The following MYO3A variants were observed in gnomAD, a reference collection of about 807,000 sequenced individuals.
MYO3A encodes myosin-IIIa.
Under a neutral mutation model 192.7 loss-of-function variants are expected in MYO3A, and 180 were observed. The observed-to-expected ratio is 0.93, with a 90% CI of 0.83 to 1.06. The LOEUF (loss-of-function observed/expected upper bound fraction) is 1.06. MYO3A is among the 50% of genes least tolerant of loss of function. The pLI is 0.00. For missense variants in MYO3A, 1,896 were observed against 1,905.0 expected (o/e 1.00, Z 0.09); for synonymous variants, 628 against 645.3 (o/e 0.97, Z 0.41).
At chr10:26,179,089 ATT>A (rs59025321) in intron 31 of MYO3A, among the ~76,000 whole-genome samples, 235 of 66,096 alleles carry the variant, frequency 3.6e-3, no homozygotes, top group African/African-American at 0.015. Context: ...GCCCAGCCTA[ATT>A]TTTTTTTTTT....
intron 4 of MYO3A, among the ~76,000 whole-genome samples, chr10:25,969,389 G>T (rs557011981): frequency 6.6e-6 from 1 of 152,252 alleles, no homozygotes; most frequent in Non-Finnish European, 1.5e-5. Flanking sequence ...TATATATACG[G>T]TGCAGTACTA....
At position 26,088,386 on chromosome 10, in the gene MYO3A, C is replaced by T. The variant is rs200822452; in HGVS notation, c.1543C>T (p.Arg515Ter). ...TTCTGAATATCTCCTGGAAAAATCC[C>T]GAGTTATCCACCAAGCTATGTAAGT... The part of the protein sequence containing the change: ...QISEYLLEKS[R>*]VIHQAIGEKN... Residue 515 changes from arginine to a stop codon, truncating the protein, a stop_gained, in exon 15 of 35, where the codon CGA (arginine) becomes TGA (stop). Coordinates refer to ENST00000642920, the MANE Select transcript of MYO3A (RefSeq NM_017433.5). LOFTEE classifies it high-confidence loss of function. 6.2e-6 allele frequency: 10 copies of T among 1,613,674 alleles called. No individual in the cohort carries two copies. The highest frequency in any genetic ancestry group is 1.1e-5 in the South Asian group (1 of 91,070).
chr10:26,111,445 A>G (rs1433619785), intron 17 of MYO3A, among the ~76,000 whole-genome samples: 2 of 151,680 alleles, frequency 1.3e-5, no homozygotes, highest in Non-Finnish European at 2.9e-5. Context: ...CCCTAATTCT[A>G]CCCCTACCCC....
At chr10:26,086,180 G>A (rs1836295994) in intron 14 of MYO3A, among the ~76,000 whole-genome samples, 1 of 152,028 alleles carries the variant, frequency 6.6e-6, no homozygotes, top group Admixed American at 6.6e-5. Context: ...TACAATCGTG[G>A]GCAGAAGGTG....
At chr10:26,110,613 T>G (rs1838105200) in intron 17 of MYO3A, among the ~76,000 whole-genome samples, 1 of 152,150 alleles carries the variant, frequency 6.6e-6, no homozygotes, top group Non-Finnish European at 1.5e-5. Flanking sequence ...AAGAAAATGA[T>G]GAGGAGTGAG....
At chr10:25,980,310 A>G (rs1839245973) in intron 4 of MYO3A, among the ~76,000 whole-genome samples, 1 of 152,068 alleles carries the variant, frequency 6.6e-6, no homozygotes, top group Non-Finnish European at 1.5e-5. Flanking sequence ...ACAAACAACA[A>G]TAAGAACAAC....
chr10:25,982,916 A>T (rs1238916869), intron 4 of MYO3A, among the ~76,000 whole-genome samples: 6 of 152,148 alleles, frequency 3.9e-5, no homozygotes, highest in Non-Finnish European at 7.3e-5. Flanking sequence ...TCATACCAGC[A>T]CACGAGCAAT....
intron 6 of MYO3A, among the ~76,000 whole-genome samples, chr10:26,011,733 AAAG>A (rs1172171401): frequency 6.6e-6 from 1 of 152,186 alleles, no homozygotes; most frequent in Non-Finnish European, 1.5e-5. Context: ...AAAGACTGAG[AAAG>A]AAGGATTCCT....
intron 17 of MYO3A, among the ~76,000 whole-genome samples, chr10:26,111,986 T>C (rs569066966): frequency 1.3e-5 from 2 of 152,326 alleles, no homozygotes; most frequent in Non-Finnish European, 2.9e-5. Flanking sequence ...GCAAGGATCA[T>C]TTTTAATTGG....
intron 34 of MYO3A, among the ~76,000 whole-genome samples, chr10:26,209,759 T>G (rs1844136629): frequency 6.6e-6 from 1 of 152,162 alleles, no homozygotes; most frequent in South Asian, 2.1e-4. Context: ...GACCTTTGCT[T>G]TATCAACATG....
intron 10 of MYO3A, among the ~76,000 whole-genome samples, chr10:26,057,120 A>C (rs1475818261): frequency 6.6e-6 from 1 of 152,210 alleles, no homozygotes; most frequent in Non-Finnish European, 1.5e-5. Context: ...GGCTGATAGC[A>C]GTGCTGATGC....
intron 4 of MYO3A, among the ~76,000 whole-genome samples, chr10:25,995,392 A>C (rs1840359923): frequency 6.6e-6 from 1 of 152,088 alleles, no homozygotes; most frequent in Non-Finnish European, 1.5e-5. Flanking sequence ...TGGTTATTCT[A>C]GTTAGCCATT....
chr10:26,062,671 G>C (rs1482208905), intron 10 of MYO3A, among the ~76,000 whole-genome samples: 1 of 151,902 alleles, frequency 6.6e-6, no homozygotes, highest in Non-Finnish European at 1.5e-5. Flanking sequence ...TTCTTAACAA[G>C]AAAGCAGCAA....
At chr10:25,974,589 A>G (rs78372333) in intron 4 of MYO3A, among the ~76,000 whole-genome samples, 6,587 of 152,220 alleles carry the variant, frequency 0.043, 183 homozygotes, top group Middle Eastern at 0.068. Flanking sequence ...TTAGAGTGAC[A>G]CCTTGTTTCA....
intron 21 of MYO3A, among the ~76,000 whole-genome samples, chr10:26,144,528 A>T (rs1382677733): frequency 6.6e-6 from 1 of 152,044 alleles, no homozygotes; most frequent in Non-Finnish European, 1.5e-5. Context: ...TTTAGATCAA[A>T]TGATCCTTCT....
rs551117169 is a variant in MYO3A at position 26,167,166 on chromosome 10, C to A, written c.3111+988C>A. On this transcript the variant is annotated intron_variant, in intron 27 of 34. Coordinates refer to ENST00000642920, the MANE Select transcript of MYO3A (RefSeq NM_017433.5). ...AGAATACCTACTATCAGCCACACCACAGAAGTAAACCAAAACAAACTCCCA... is the reference window on the plus strand; with the variant it reads ...AGAATACCTACTATCAGCCACACCAAAGAAGTAAACCAAAACAAACTCCCA... Among the ~76,000 whole-genome samples the A allele has an allele frequency of 2.6e-5, 4 of 152,206 alleles. No homozygotes were observed. In the South Asian group the frequency reaches 8.3e-4, roughly 31 times the overall value.
chr10:26,211,900 C>T lies in MYO3A; in HGVS notation c.4788C>T (p.Pro1596=), dbSNP rs184057226. The change falls in exon 35 of 35, where the codon CCC becomes CCT. Residue 1596 remains proline, a synonymous_variant. Transcript: ENST00000642920. The stretch of plus-strand genomic sequence containing the variant: ...AGGAGAGAGAGCCAGCAGCCAACCC[C>T]TACGACTTCAGGAGGCTCCTGCGCA... The part of the protein sequence containing the change: ...KEEEREPAAN[P]YDFRRLLRKT... 7 of 1,614,074 alleles carry T rather than the reference C, an allele frequency of 4.3e-6. No homozygotes were observed. Among genetic ancestry groups the T allele is most frequent in the Admixed American group, 3.3e-5 (2 of 60,028 alleles).
intron 4 of MYO3A, among the ~76,000 whole-genome samples, chr10:25,986,512 A>G (rs776911302): frequency 1.3e-5 from 2 of 152,220 alleles, no homozygotes; most frequent in Admixed American, 6.5e-5. Context: ...GCAAAGTTTC[A>G]GGAAACAAAA....
At chr10:25,982,767 C>T (rs1434368458) in intron 4 of MYO3A, among the ~76,000 whole-genome samples, 2 of 152,122 alleles carry the variant, frequency 1.3e-5, no homozygotes, top group African/African-American at 4.8e-5. Context: ...CAAGGGAGCA[C>T]CCTGTGGGAC....
Sources: gnomAD v4.1 joint callset for allele counts (sites outside exome capture counted in the v4.1 genomes callset) on GRCh38, gnomAD v4.1.1 for gene constraint, MANE v1.5 for transcripts, NCBI Gene and HGNC (gene_info 2026-07-23, HGNC 2026-07-21) for gene names.